DDHD2: variants seen among roughly 807,000 people sequenced by gnomAD.
DDHD2 encodes DDHD domain containing 2.
In DDHD2, 62 loss-of-function variants were observed where a neutral mutation model predicts 91.2. The observed-to-expected ratio is 0.68, with a 90% CI of 0.55 to 0.84. The LOEUF (loss-of-function observed/expected upper bound fraction) is 0.84. DDHD2 is among the 40% of genes least tolerant of loss of function. The pLI, the probability that DDHD2 is intolerant of heterozygous loss-of-function variation, is 0.00. For synonymous variants in DDHD2, 271 were observed against 293.9 expected (o/e 0.92, Z 0.80); for missense variants, 740 against 846.9 (o/e 0.87, Z 1.57).
At chr8:38,249,152 G>A (rs1398609972) in intron 10 of DDHD2, among the ~76,000 whole-genome samples, 1 of 151,452 alleles carries the variant, frequency 6.6e-6, no homozygotes, top group African/African-American at 2.4e-5. Context: ...TTGCTCTGTT[G>A]CCCAGGCTGG....
intron 1 of DDHD2, among the ~76,000 whole-genome samples, chr8:38,232,395 G>C (rs1315187780): frequency 1.3e-5 from 2 of 152,280 alleles, no homozygotes; most frequent in African/African-American, 4.8e-5. Flanking sequence ...CTGGCTATGG[G>C]AGTGGGCGTG....
intron 1 of DDHD2, chr8:38,269,201 C>G: frequency 1.3e-6 from 2 of 1,498,838 alleles, no homozygotes; most frequent in South Asian, 1.2e-5. Context: ...CTTCCCCATC[C>G]GGCCGCGAGC....
chr8:38,238,489 G>A, intron 5 of DDHD2: 1 of 1,130,554 alleles, frequency 8.8e-7, no homozygotes, highest in Non-Finnish European at 1.1e-6. Flanking sequence ...TCCAAGAAGT[G>A]TGATTCCACC....
chr8:38,259,315 G>A (rs563625800), intron 16 of DDHD2, among the ~76,000 whole-genome samples: 23 of 151,316 alleles, frequency 1.5e-4, no homozygotes, highest in Middle Eastern at 6.8e-3. Flanking sequence ...TTGCCTCCTC[G>A]GTTCAAGCGA....
intron 16 of DDHD2, among the ~76,000 whole-genome samples, chr8:38,258,619 T>C (rs1203158407): frequency 6.6e-6 from 1 of 152,254 alleles, no homozygotes; most frequent in Non-Finnish European, 1.5e-5. Context: ...TGCTTATTTA[T>C]GTACCATTTT....
chr8:38,267,321 C>T (rs7845496), downstream of DDHD2: 16 of 1,614,022 alleles, frequency 9.9e-6, 1 homozygote, highest in South Asian at 1.6e-4. Context: ...ACGTCCTTAT[C>T]CCCTGTACAC....
rs775739636 is a variant in DDHD2 at position 38,253,105 on chromosome 8, A to G, written c.1869A>G (p.Glu623=). 19 of 1,613,854 alleles carry G rather than the reference A, an allele frequency of 1.2e-5. No individual in the cohort carries two copies. The Admixed American group carries it at 1.7e-4, about 14-fold the overall frequency. The change falls in exon 15 of 18, where the codon GAA becomes GAG. Residue 623 remains glutamate (E), a synonymous_variant. Transcript: ENST00000397166. ...ETPEETEAEP[E]STSEKPSDVN... Reference sequence around the variant, plus strand: ...CAGAAGAAACTGAAGCAGAACCTGAATCAACTTCAGAGAAGCCTAGTGGTC... The same window carrying G: ...CAGAAGAAACTGAAGCAGAACCTGAGTCAACTTCAGAGAAGCCTAGTGGTC...
downstream of DDHD2, chr8:38,273,342 A>G (rs1484212758): frequency 6.6e-6 from 1 of 152,142 alleles, no homozygotes; most frequent in Non-Finnish European, 1.5e-5. Flanking sequence ...AAACAATCCT[A>G]TTAATCATAA....
At chr8:38,268,268 G>T in intron 1 of DDHD2, 1 of 1,149,370 alleles carries the variant, frequency 8.7e-7, no homozygotes, top group Non-Finnish European at 1.2e-6. Context: ...CTTTAGGAAT[G>T]CAGAACTCAG....
At chr8:38,268,908 C>A (rs746770890) in intron 1 of DDHD2, 6 of 1,558,002 alleles carry the variant, frequency 3.9e-6, no homozygotes, top group African/African-American at 2.8e-5. Flanking sequence ...GGGAAATACT[C>A]CGCCTCCACG....
At chr8:38,255,037 A>G (rs1351670846) in intron 16 of DDHD2, among the ~76,000 whole-genome samples, 1 of 152,164 alleles carries the variant, frequency 6.6e-6, no homozygotes, top group Non-Finnish European at 1.5e-5. Context: ...GTCTCTACCA[A>G]AAATACAATT....
Position 38,238,180 on chromosome 8 carries a change from T to C in DDHD2, c.593T>C (p.Val198Ala). The C allele has an allele frequency of 2.5e-6, 4 of 1,613,730 alleles. No homozygotes were observed. The highest frequency in any genetic ancestry group is 1.1e-5 in the South Asian group (1 of 91,054). Residue 198 changes from valine to alanine, a missense_variant, in exon 5 of 18, where the codon GTT (valine) becomes GCT (alanine). By Grantham distance (64) the Val-to-Ala change is moderately conservative. This residue lies in a region of DDHD2 where 693 missense variants were observed against 764.2 expected (regional missense o/e 0.91). Coordinates refer to ENST00000397166, the MANE Select transcript of DDHD2 (RefSeq NM_015214.3). ...CGACCAAGAACTGTGAAGAGAGGAGTTGAGAACATCTCTGTTGACATTCAT... is the reference window on the plus strand; with the variant it reads ...CGACCAAGAACTGTGAAGAGAGGAGCTGAGAACATCTCTGTTGACATTCAT... ...QGRPRTVKRGVENISVDIHCG... is the reference protein window; with the variant it reads ...QGRPRTVKRGAENISVDIHCG...
chr8:38,265,174 G>A (rs1807393641), downstream of DDHD2: 1 of 463,066 alleles, frequency 2.2e-6, no homozygotes, highest in Non-Finnish European at 3.8e-6. Context: ...GCTGAGGCAG[G>A]AGACTTGCTT....
intron 5 of DDHD2, 143 bp downstream of exon 5, chr8:38,238,352 A>G (rs1804971661): frequency 6.9e-6 from 10 of 1,445,014 alleles, no homozygotes; most frequent in Non-Finnish European, 9.1e-7. Flanking sequence ...TGAGATTAGC[A>G]TCACTTCGTC....
chr8:38,260,999 T>G lies in DDHD2; in HGVS notation c.*426T>G, dbSNP rs577398142. The G allele has an allele frequency of 2.9e-4, 44 of 152,328 alleles. No homozygotes were observed. The highest frequency in any genetic ancestry group is 1.1e-3 in the African/African-American group (44 of 41,574). 9.4% of individuals were successfully genotyped at this position (152,328 alleles called of 1,614,324 possible). A position where few individuals can be genotyped will look rare whatever the true frequency, so the allele number is the denominator to read the frequency against. On this transcript the variant is annotated 3_prime_UTR_variant, in exon 18 of 18. Transcript: ENST00000397166. Reference sequence around the variant, plus strand: ...ATGTTCTAGTTTGGAAACAGATTCTTGAGATTCAGAAGGCATTTTGGAGTA... The same window carrying G: ...ATGTTCTAGTTTGGAAACAGATTCTGGAGATTCAGAAGGCATTTTGGAGTA...
At chr8:38,234,359 T>C in intron 2 of DDHD2, 35 bp from the exon 3 acceptor site, 1 of 1,457,428 alleles carries the variant, frequency 6.9e-7, no homozygotes, top group Non-Finnish European at 9.2e-7. Flanking sequence ...TATTTTGAAA[T>C]ATGTACTTCT....
chr8:38,261,710 T>G lies in DDHD2; in HGVS notation c.*1137T>G, dbSNP rs1195284436. 1 of 152,190 alleles carries G rather than the reference T, an allele frequency of 6.6e-6. No individual in the cohort carries two copies. Among genetic ancestry groups the G allele is most frequent in the Non-Finnish European group, 1.5e-5 (1 of 68,022 alleles). 9.4% of individuals were successfully genotyped at this position (152,190 alleles called of 1,614,324 possible). A position where few individuals can be genotyped will look rare whatever the true frequency, so the allele number is the denominator to read the frequency against. On this transcript the variant is annotated 3_prime_UTR_variant, in exon 18 of 18. Coordinates refer to ENST00000397166, the MANE Select transcript of DDHD2 (RefSeq NM_015214.3). Reference sequence around the variant, plus strand: ...CAGTGTCAGCTGAGTCTGGAACATATGAAGTGAGGTTTACTTCTAAGAACA... The same window carrying G: ...CAGTGTCAGCTGAGTCTGGAACATAGGAAGTGAGGTTTACTTCTAAGAACA...
intron 16 of DDHD2, among the ~76,000 whole-genome samples, chr8:38,257,469 A>G (rs1387179647): frequency 6.7e-6 from 1 of 150,196 alleles, no homozygotes; most frequent in African/African-American, 2.5e-5. Flanking sequence ...GGCTGGTCTC[A>G]AACTTCTGAC....
At chr8:38,237,977 G>T in intron 4 of DDHD2, 112 bp from the exon 5 acceptor site, 1 of 1,119,632 alleles carries the variant, frequency 8.9e-7, no homozygotes, top group South Asian at 1.8e-5. Context: ...CAAAACTCCA[G>T]TTCAGATTTT....
Sources: allele counts gnomAD v4.1 joint callset (sites outside exome capture counted in the v4.1 genomes callset), GRCh38; gene constraint gnomAD v4.1.1; regional missense constraint gnomAD v4.1.1; transcripts MANE v1.5; gene names NCBI Gene and HGNC (gene_info 2026-07-23, HGNC 2026-07-21).